The following WASL variants were observed in gnomAD, a reference collection of about 807,000 sequenced individuals.
WASL encodes actin nucleation-promoting factor WASL.
A neutral mutation model predicts 55.5 loss-of-function variants in WASL; 20 were observed. That is an observed-to-expected ratio of 0.36 (90% confidence interval 0.25 to 0.52). The LOEUF (loss-of-function observed/expected upper bound fraction) is 0.52, where lower values mean the gene tolerates loss of function less well. Ranked by LOEUF, WASL falls within the 20% of genes least tolerant of loss-of-function variation. The pLI, the probability that WASL is intolerant of heterozygous loss-of-function variation, is 0.92. For missense variants in WASL, 504 were observed against 622.5 expected, an observed-to-expected ratio of 0.81 and a Z score of 2.03; for synonymous variants, 249 against 217.6, an observed-to-expected ratio of 1.14 and a Z score of -1.27.
At chr7:123,740,657 C>T (rs1437180123) in intron 1 of WASL, among the ~76,000 whole-genome samples, 3 of 151,882 alleles carry the variant, frequency 2.0e-5, no homozygotes, top group Non-Finnish European at 4.4e-5. Flanking sequence ...GTGCAATGCC[C>T]TCATCATGGC....
intron 1 of WASL, among the ~76,000 whole-genome samples, chr7:123,745,035 T>C (rs1804409068): frequency 6.6e-6 from 1 of 152,130 alleles, no homozygotes; most frequent in African/African-American, 2.4e-5. Flanking sequence ...CAATCACCAA[T>C]CCAGAGTCTC....
chr7:123,736,000 T>C (rs1422747434), intron 1 of WASL, among the ~76,000 whole-genome samples: 1 of 151,702 alleles, frequency 6.6e-6, no homozygotes, highest in Non-Finnish European at 1.5e-5. Flanking sequence ...AAACTAGTAA[T>C]AAAGCGAAAA....
intron 1 of WASL, among the ~76,000 whole-genome samples, chr7:123,713,844 T>C (rs1803797688): frequency 6.6e-6 from 1 of 152,212 alleles, no homozygotes. Context: ...CGCAGGGTTC[T>C]GCATCCGCAA....
chr7:123,706,932 CTT>C (rs1803681663), intron 2 of WASL, 106 bp from the exon 3 acceptor site: 1 of 560,842 alleles, frequency 1.8e-6, no homozygotes, highest in Non-Finnish European at 3.0e-6. Context: ...TTAAAAATAA[CTT>C]TTAATGCACA....
intron 1 of WASL, among the ~76,000 whole-genome samples, chr7:123,726,135 ATATAT>A (rs1164882803): frequency 5.9e-5 from 9 of 152,168 alleles, no homozygotes; most frequent in African/African-American, 1.2e-4. Context: ...CATATCAATA[ATATAT>A]TATATAAGGA....
At chr7:123,715,162 T>G (rs1214931490) in intron 1 of WASL, among the ~76,000 whole-genome samples, 1 of 152,180 alleles carries the variant, frequency 6.6e-6, no homozygotes, top group Non-Finnish European at 1.5e-5. Flanking sequence ...TGATTCAAGT[T>G]CTTATATATT....
chr7:123,689,008 C>CTG (rs936352335), intron 10 of WASL, 34 bp downstream of exon 10: 5 of 15,082 alleles, frequency 3.3e-4, no homozygotes, highest in South Asian at 3.0e-3. Context: ...CTCTCTCTGT[C>CTG]TCTCTCTCTC....
At chr7:123,699,651 T>C (rs759489917) in intron 5 of WASL, among the ~76,000 whole-genome samples, 4 of 152,292 alleles carry the variant, frequency 2.6e-5, no homozygotes, top group Middle Eastern at 3.4e-3. Flanking sequence ...CTTATAACCT[T>C]GATTTATATA....
chr7:123,733,376 A>G (rs1321253627), intron 1 of WASL, among the ~76,000 whole-genome samples: 1 of 152,168 alleles, frequency 6.6e-6, no homozygotes, highest in African/African-American at 2.4e-5. Context: ...ATGACCAATT[A>G]ACACCTGAAA....
intron 5 of WASL, among the ~76,000 whole-genome samples, chr7:123,699,850 T>G (rs915591498): frequency 6.6e-6 from 1 of 152,108 alleles, no homozygotes; most frequent in Non-Finnish European, 1.5e-5. Flanking sequence ...TCTCTTTAAG[T>G]CATTATAGAT....
intron 1 of WASL, 60 bp downstream of exon 1, chr7:123,748,558 C>T: frequency 6.3e-7 from 1 of 1,577,464 alleles, no homozygotes; most frequent in Non-Finnish European, 8.7e-7. Flanking sequence ...ACTTCCCGGC[C>T]CCCAAGCCCG....
At chr7:123,686,593 T>A (rs1345605997) in intron 10 of WASL, among the ~76,000 whole-genome samples, 1 of 152,140 alleles carries the variant, frequency 6.6e-6, no homozygotes, top group Non-Finnish European at 1.5e-5. Context: ...AAAAACTTAT[T>A]GTAGGGAAAT....
At position 123,704,667 on chromosome 7, in the gene WASL, A is replaced by T. The variant is rs1307049227; in HGVS notation, c.437-10T>A. On this transcript the variant is annotated splice_polypyrimidine_tract_variant and intron_variant, in intron 4 of 10. Transcript: ENST00000223023. ...GGATCTCGTCTTTTCTCTGTTAGAA[A>T]ATAAATTAGAAGAATATTATTAAAT... The T allele has an allele frequency of 3.5e-6, 5 of 1,442,802 alleles. No individual in the cohort carries two copies. The highest frequency in any genetic ancestry group is 4.7e-6 in the Non-Finnish European group (5 of 1,056,738). 89.4% of individuals were successfully genotyped at this position (1,442,802 alleles called of 1,614,324 possible).
chr7:123,740,424 T>C (rs1050206370), intron 1 of WASL, among the ~76,000 whole-genome samples: 7 of 151,804 alleles, frequency 4.6e-5, no homozygotes, highest in Admixed American at 3.3e-4. Context: ...CGAATACTTC[T>C]GAGACTACTA....
chr7:123,710,975 T>G (rs913972490), intron 1 of WASL, among the ~76,000 whole-genome samples: 9 of 152,308 alleles, frequency 5.9e-5, no homozygotes, highest in African/African-American at 9.6e-5. Context: ...ATTTGTTAGT[T>G]CTAAGGAGAA....
At chr7:123,741,900 T>C (rs1211077205) in intron 1 of WASL, among the ~76,000 whole-genome samples, 1 of 152,220 alleles carries the variant, frequency 6.6e-6, no homozygotes, top group African/African-American at 2.4e-5. Flanking sequence ...TTATGAGGAA[T>C]CCTGAATGTC....
chr7:123,726,765 T>C (rs1367730492), intron 1 of WASL, among the ~76,000 whole-genome samples: 2 of 151,924 alleles, frequency 1.3e-5, no homozygotes, highest in African/African-American at 2.4e-5. Context: ...GCTCAGGAGG[T>C]TGAAGCAAGA....
chr7:123,714,333 T>C (rs966440613), intron 1 of WASL, among the ~76,000 whole-genome samples: 1 of 151,754 alleles, frequency 6.6e-6, no homozygotes, highest in Non-Finnish European at 1.5e-5. Context: ...ATTTCTACAA[T>C]GAGAAATAAC....
chr7:123,692,859 G>T lies in WASL; in HGVS notation c.835C>A (p.Pro279Thr). ...KNELRRQAPP[P>T]PPPSRGGPPP... ...GGCCCTCCCCTTGATGGTGGTGGAG[G>T]TGGTGGTGCTGAAATGCAAACAGAA... The change falls in exon 9 of 11, where the codon CCT (proline) becomes ACT (threonine). Residue 279 changes from proline (P) to threonine (T), a missense_variant. Physicochemically the swap from Pro to Thr is conservative, Grantham distance 38. Around this residue, in one of 5 missense-constraint regions of WASL, gnomAD observed 201 missense variants for 206.2 expected, o/e 0.97. Transcript: ENST00000223023. 1 of 1,361,746 alleles carries T rather than the reference G, an allele frequency of 7.3e-7. No individual in the cohort carries two copies. Among genetic ancestry groups the T allele is most frequent in the Non-Finnish European group, 9.5e-7 (1 of 1,052,976 alleles). 84.4% of individuals were successfully genotyped at this position (1,361,746 alleles called of 1,614,324 possible).
Sources: gnomAD v4.1 joint callset for allele counts (sites outside exome capture counted in the v4.1 genomes callset) on GRCh38, gnomAD v4.1.1 for gene constraint, gnomAD v4.1.1 regional missense constraint, MANE v1.5 for transcripts, NCBI Gene and HGNC (gene_info 2026-07-23, HGNC 2026-07-21) for gene names.